The following EIF4G3 variants were observed in gnomAD, a reference collection of about 807,000 sequenced individuals.
EIF4G3 encodes eIF-4-gamma 3.
EIF4G3 carries 34 observed loss-of-function variants against 186.4 expected under a neutral mutation model. The observed-to-expected ratio is 0.18, with a 90% CI of 0.14 to 0.24. The LOEUF (loss-of-function observed/expected upper bound fraction) is 0.24. Ranked by LOEUF, EIF4G3 falls within the 10% of genes least tolerant of loss-of-function variation. The pLI is 1.00. For missense variants in EIF4G3, 1,536 were observed against 1,948.5 expected (o/e 0.79, Z 3.99); for synonymous variants, 673 against 679.5 (o/e 0.99, Z 0.15).
chr1:20,976,242 T>C (rs2076842450), intron 10 of EIF4G3, among the ~76,000 whole-genome samples: 1 of 152,108 alleles, frequency 6.6e-6, no homozygotes, highest in African/African-American at 2.4e-5. Context: ...TAGTTACATA[T>C]GTATACATGT....
chr1:20,935,540 TTTTA>T (rs1484362857), intron 14 of EIF4G3, among the ~76,000 whole-genome samples: 1 of 152,244 alleles, frequency 6.6e-6, no homozygotes, highest in African/African-American at 2.4e-5. Context: ...ATACTTGTGC[TTTTA>T]TTTTTTAATT....
intron 14 of EIF4G3, among the ~76,000 whole-genome samples, chr1:20,939,566 A>T (rs1341324544): frequency 6.6e-6 from 1 of 152,232 alleles, no homozygotes; most frequent in East Asian, 1.9e-4. Flanking sequence ...GTCAGAAATG[A>T]GTGAAGTATG....
chr1:20,831,812 T>C (rs2065337292), intron 30 of EIF4G3, among the ~76,000 whole-genome samples: 2 of 141,866 alleles, frequency 1.4e-5, no homozygotes, highest in East Asian at 4.4e-4. Flanking sequence ...CCTGTGTCCA[T>C]GTGATCTCAT....
At chr1:21,140,045 A>G (rs374506576) in intron 2 of EIF4G3, among the ~76,000 whole-genome samples, 21 of 152,312 alleles carry the variant, frequency 1.4e-4, no homozygotes, top group East Asian at 9.6e-4. Flanking sequence ...CAGTGATTTA[A>G]AAAGTTAGCA....
intron 30 of EIF4G3, among the ~76,000 whole-genome samples, chr1:20,830,125 G>A (rs1013388301): frequency 6.6e-6 from 1 of 152,200 alleles, no homozygotes; most frequent in Non-Finnish European, 1.5e-5. Context: ...ATGAATTGAA[G>A]AGCTAAGAGC....
intron 12 of EIF4G3, among the ~76,000 whole-genome samples, chr1:20,951,214 T>A (rs1221518261): frequency 6.6e-6 from 1 of 152,008 alleles, no homozygotes; most frequent in Non-Finnish European, 1.5e-5. Flanking sequence ...TAAAATGAAA[T>A]GGACACATAC....
intron 4 of EIF4G3, among the ~76,000 whole-genome samples, chr1:21,035,478 T>G (rs2093113372): frequency 6.6e-6 from 1 of 152,196 alleles, no homozygotes; most frequent in Admixed American, 6.5e-5. Flanking sequence ...TGTCTGCTCC[T>G]GCTGCCTGGC....
rs369455936 is a variant in EIF4G3, at chr1:20,977,341, C to T, written c.493+2993G>A. On this transcript the variant is annotated intron_variant, in intron 10 of 36. Transcript: ENST00000602326. Reference sequence around the variant, plus strand: ...AGCTGGGATTACAGGCGCCCGCCACCACACCCTGCTAATTTTTGTATTTTA... The same window carrying T: ...AGCTGGGATTACAGGCGCCCGCCACTACACCCTGCTAATTTTTGTATTTTA... Among the ~76,000 whole-genome samples the T allele has an allele frequency of 5.3e-5, 8 of 152,188 alleles. No individual in the cohort carries two copies. The East Asian group carries it at 1.5e-3, about 29-fold the overall frequency.
intron 20 of EIF4G3, among the ~76,000 whole-genome samples, chr1:20,872,211 C>T (rs1363694468): frequency 1.3e-5 from 2 of 152,080 alleles, no homozygotes; most frequent in African/African-American, 2.4e-5. Flanking sequence ...CATCCTTGAA[C>T]TCCTGGGCTC....
rs779130711 is a variant in EIF4G3, at chr1:20,813,154, T to C, written c.4597+4A>G. The C allele has an allele frequency of 6.3e-7, 1 of 1,599,102 alleles. No individual in the cohort carries two copies. Among genetic ancestry groups the C allele is most frequent in the African/African-American group, 1.3e-5 (1 of 74,722 alleles). On this transcript the variant is annotated splice_donor_region_variant and intron_variant, in intron 35 of 36. Transcript: ENST00000602326. ...TATGAGCTGCCTTCAGAAATGTTAC[T>C]TACCTATAATAGCTGCTTTACAAAC...
chr1:20,981,975 A>G (rs533560058), intron 8 of EIF4G3, among the ~76,000 whole-genome samples: 1 of 152,322 alleles, frequency 6.6e-6, no homozygotes, highest in East Asian at 1.9e-4. Flanking sequence ...AGTAATTTAT[A>G]AAATACTTAG....
intron 2 of EIF4G3, among the ~76,000 whole-genome samples, chr1:21,149,551 G>A (rs926229725): frequency 1.3e-5 from 2 of 152,124 alleles, no homozygotes; most frequent in African/African-American, 4.8e-5. Context: ...CCTATCTCTA[G>A]TCACAGGCAG....
intron 12 of EIF4G3, among the ~76,000 whole-genome samples, chr1:20,965,775 T>C (rs780409852): frequency 2.0e-5 from 3 of 152,210 alleles, no homozygotes; most frequent in East Asian, 1.9e-4. Context: ...ATATTAGTAA[T>C]AGATATTTGC....
intron 14 of EIF4G3, among the ~76,000 whole-genome samples, chr1:20,913,800 ATTTTTTTT>A (rs68098768): frequency 4.0e-5 from 3 of 75,656 alleles, no homozygotes; most frequent in East Asian, 8.7e-4. Flanking sequence ...AATTATTAGA[ATTTTTTTT>A]TTTTTTTTTT....
intron 11 of EIF4G3, among the ~76,000 whole-genome samples, chr1:20,970,073 C>T (rs1335894255): frequency 6.6e-6 from 1 of 152,080 alleles, no homozygotes; most frequent in Non-Finnish European, 1.5e-5. Context: ...AAGCGATTCT[C>T]GTGCCTCAGC....
At chr1:21,041,253 T>C (rs1457367415) in intron 4 of EIF4G3, among the ~76,000 whole-genome samples, 1 of 152,154 alleles carries the variant, frequency 6.6e-6, no homozygotes, top group Admixed American at 6.6e-5. Flanking sequence ...CATCCTCCTT[T>C]TTATTTTTAT....
intron 4 of EIF4G3, among the ~76,000 whole-genome samples, chr1:21,026,178 T>C (rs887147817): frequency 2.0e-5 from 3 of 152,096 alleles, no homozygotes; most frequent in African/African-American, 7.2e-5. Context: ...AAAAGTGCAG[T>C]ACTGGTGTAA....
intron 33 of EIF4G3, among the ~76,000 whole-genome samples, chr1:20,820,411 C>T (rs1208950189): frequency 2.0e-5 from 3 of 152,222 alleles, no homozygotes; most frequent in African/African-American, 4.8e-5. Flanking sequence ...GACCCCCTGT[C>T]CCTGCAGGCT....
intron 14 of EIF4G3, among the ~76,000 whole-genome samples, chr1:20,906,988 G>C (rs766233031): frequency 5.9e-5 from 9 of 152,124 alleles, no homozygotes; most frequent in Non-Finnish European, 1.2e-4. Context: ...AAAGGGAGAG[G>C]GAAGACAGAG....
Sources: gnomAD v4.1 joint callset for allele counts (sites outside exome capture counted in the v4.1 genomes callset) on GRCh38, gnomAD v4.1.1 for gene constraint, MANE v1.5 for transcripts, NCBI Gene and HGNC (gene_info 2026-07-23, HGNC 2026-07-21) for gene names.